Variants in FHIT observed in about 807,000 individuals in gnomAD.
FHIT encodes bis(5'-adenosyl)-triphosphatase.
In FHIT, 19 loss-of-function variants were observed where a neutral mutation model predicts 17.9. The observed-to-expected ratio is 1.06, with a 90% CI of 0.74 to 1.56. FHIT has a LOEUF of 1.56. Among genes scored for constraint, FHIT ranks in the 40% most tolerant of loss-of-function variants. The pLI, the probability that FHIT is intolerant of heterozygous loss-of-function variation, is 0.00. For synonymous variants in FHIT, 81 were observed against 69.7 expected, an observed-to-expected ratio of 1.16 and a Z score of -0.81; for missense variants, 248 against 189.2, an observed-to-expected ratio of 1.31 and a Z score of -1.82.
intron 5 of FHIT, among the ~76,000 whole-genome samples, chr3:60,480,625 G>A (rs2033566725): frequency 6.6e-6 from 1 of 152,136 alleles, no homozygotes; most frequent in Non-Finnish European, 1.5e-5. Context: ...GGGGACACAG[G>A]TCCCATGCAA....
chr3:59,748,382 G>GAA lies in FHIT; in HGVS notation c.*1201_*1202dup, dbSNP rs1408031394. On this transcript the variant is annotated 3_prime_UTR_variant, in exon 10 of 10. Coordinates refer to ENST00000492590, the MANE Select transcript of FHIT (RefSeq NM_002012.4). ...GCATGTGGTCAGATGGTAAAGAAAAGAAAGTGGGAGGGTAGCCTAGGCAGG... is the reference window on the plus strand; with the variant it reads ...GCATGTGGTCAGATGGTAAAGAAAAGAAAAAGTGGGAGGGTAGCCTAGGCAGG... 2.0e-5 allele frequency among the ~76,000 whole-genome samples: 3 copies of GAA among 152,068 alleles called. No individual in the cohort carries two copies. The highest frequency in any genetic ancestry group is 7.2e-5 in the African/African-American group (3 of 41,418).
intron 4 of FHIT, among the ~76,000 whole-genome samples, chr3:60,544,867 G>A (rs1201980555): frequency 1.3e-5 from 2 of 152,074 alleles, no homozygotes; most frequent in African/African-American, 4.8e-5. Flanking sequence ...AAAGTGCTGG[G>A]ATTACAAGCA....
chr3:60,856,602 T>C (rs1344680133), intron 3 of FHIT: 1 of 152,126 alleles, frequency 6.6e-6, no homozygotes, highest in African/African-American at 2.4e-5. Context: ...GGAAATATAA[T>C]CTTCAAAGTG....
chr3:59,894,891 T>C (rs769367699), intron 8 of FHIT, among the ~76,000 whole-genome samples: 1 of 152,234 alleles, frequency 6.6e-6, no homozygotes, highest in Non-Finnish European at 1.5e-5. Flanking sequence ...TATTGAAAGT[T>C]TGGCTCTACC....
At chr3:60,925,158 T>C (rs1203753548) in intron 3 of FHIT, among the ~76,000 whole-genome samples, 1 of 152,022 alleles carries the variant, frequency 6.6e-6, no homozygotes, top group Non-Finnish European at 1.5e-5. Flanking sequence ...CAGGAGAACT[T>C]CCCCAATCTA....
chr3:60,919,632 T>C (rs919467758), intron 3 of FHIT, among the ~76,000 whole-genome samples: 4 of 152,112 alleles, frequency 2.6e-5, no homozygotes, highest in Non-Finnish European at 4.4e-5. Context: ...AAAGGATAAA[T>C]TGAAGATAAC....
intron 8 of FHIT, among the ~76,000 whole-genome samples, chr3:59,862,172 G>T (rs1358286645): frequency 6.6e-6 from 1 of 152,206 alleles, no homozygotes. Flanking sequence ...CCCACATGGT[G>T]GGGGAGACCT....
chr3:60,199,075 G>A (rs1190350538), intron 5 of FHIT, among the ~76,000 whole-genome samples: 3 of 152,140 alleles, frequency 2.0e-5, no homozygotes, highest in African/African-American at 4.8e-5. Context: ...AAGGCTTGGT[G>A]CTTCATTATT....
intron 3 of FHIT, among the ~76,000 whole-genome samples, chr3:60,857,611 G>T (rs573988823): frequency 4.7e-4 from 72 of 152,252 alleles, no homozygotes; most frequent in African/African-American, 1.7e-3. Flanking sequence ...TTATTGTTCT[G>T]CCCATCAACA....
At chr3:59,871,377 T>C (rs1388534112) in intron 8 of FHIT, among the ~76,000 whole-genome samples, 3 of 152,126 alleles carry the variant, frequency 2.0e-5, no homozygotes, top group African/African-American at 7.2e-5. Context: ...ATCTCAACAA[T>C]TTTCAAAATG....
At chr3:60,656,249 A>T (rs1553689539) in intron 4 of FHIT, among the ~76,000 whole-genome samples, 1 of 152,298 alleles carries the variant, frequency 6.6e-6, no homozygotes, top group South Asian at 2.1e-4. Flanking sequence ...CTTCACCCCA[A>T]ATTCCTATCC....
chr3:59,989,740 C>T (rs572109751), intron 7 of FHIT, among the ~76,000 whole-genome samples: 3 of 152,116 alleles, frequency 2.0e-5, no homozygotes, highest in Admixed American at 6.6e-5. Context: ...CTCCCCATCA[C>T]CCTGACCTCC....
rs1704857421 is a variant in FHIT at position 60,237,340 on chromosome 3, A to G, written c.104-223188T>C. ...GACCTAAACCAGTTGAGAAATGCCC[A>G]TATTTACACCTACCATGGTGTGTTG... On this transcript the variant is annotated intron_variant, in intron 5 of 9. Coordinates refer to ENST00000492590, the MANE Select transcript of FHIT (RefSeq NM_002012.4). Among the ~76,000 whole-genome samples the G allele has an allele frequency of 3.5e-5, 5 of 144,138 alleles. No homozygotes were observed. The Admixed American group carries it at 3.6e-4, about 10-fold the overall frequency. The allele number at this position is 144,138 out of a possible 152,430, so 94.6% of individuals were successfully genotyped here. A position where few individuals can be genotyped will look rare whatever the true frequency, so the allele number is the denominator to read the frequency against.
intron 5 of FHIT, among the ~76,000 whole-genome samples, chr3:60,515,568 C>T (rs1576795162): frequency 8.5e-6 from 1 of 118,310 alleles, no homozygotes; most frequent in Non-Finnish European, 1.8e-5. Flanking sequence ...GAAGTTTGGG[C>T]TTTAATTTAA....
chr3:60,298,937 A>G (rs868687517), intron 5 of FHIT, among the ~76,000 whole-genome samples: 2 of 152,100 alleles, frequency 1.3e-5, no homozygotes, highest in Non-Finnish European at 2.9e-5. Flanking sequence ...CCCTCAGATC[A>G]TTACCCTTTC....
chr3:60,118,612 C>T (rs1280883910), intron 5 of FHIT, among the ~76,000 whole-genome samples: 1 of 151,912 alleles, frequency 6.6e-6, no homozygotes, highest in East Asian at 1.9e-4. Context: ...CGCCCAAGGT[C>T]ACACAGTGAA....
intron 3 of FHIT, among the ~76,000 whole-genome samples, chr3:60,864,745 A>T (rs1186304769): frequency 6.6e-6 from 1 of 152,134 alleles, no homozygotes; most frequent in Non-Finnish European, 1.5e-5. Context: ...CAACTCACAT[A>T]TCATTTTTAA....
chr3:60,617,228 G>A (rs565503599), intron 4 of FHIT: 140 of 170,410 alleles, frequency 8.2e-4, no homozygotes, highest in African/African-American at 3.1e-3. Context: ...GATCTATGAA[G>A]GATTATGATA....
At chr3:60,045,530 C>T (rs1036612191) in intron 5 of FHIT, among the ~76,000 whole-genome samples, 6 of 152,066 alleles carry the variant, frequency 3.9e-5, no homozygotes, top group Non-Finnish European at 7.4e-5. Flanking sequence ...TCCCACAACA[C>T]GTGAGATTTG....
Sources: allele counts gnomAD v4.1 joint callset (sites outside exome capture counted in the v4.1 genomes callset), GRCh38; gene constraint gnomAD v4.1.1; transcripts MANE v1.5; gene names NCBI Gene and HGNC (gene_info 2026-07-23, HGNC 2026-07-21).